Variants in GNAI1 observed in about 807,000 individuals in gnomAD.
The protein encoded by GNAI1 is guanine nucleotide-binding protein G(i) subunit alpha-1.
A neutral mutation model predicts 38.9 loss-of-function variants in GNAI1; 11 were observed. That is an observed-to-expected ratio of 0.28 (90% CI 0.18 to 0.47). The LOEUF is 0.47. Ranked by LOEUF, GNAI1 falls within the 20% of genes least tolerant of loss-of-function variation. The pLI is 0.99. For missense variants in GNAI1, 317 were observed against 436.9 expected (o/e 0.73, Z 2.45); for synonymous variants, 166 against 145.1 (o/e 1.14, Z -1.04).
In GNAI1 at chr7:80,180,147, CA is replaced by C. The variant is rs1370631023; in HGVS notation, c.119-8802del. ...AAACAGCTTAGCAAAAACATGAGCG[CA>C]ATTAGACTTGAGCTTTAGACAAAGC... On this transcript the variant is annotated intron_variant, in intron 1 of 7. Coordinates refer to ENST00000649796, the MANE Select transcript of GNAI1 (RefSeq NM_002069.6). Among the ~76,000 whole-genome samples the C allele has an allele frequency of 7.9e-5, 12 of 152,202 alleles. No homozygotes were observed. In the East Asian group the frequency reaches 2.3e-3, roughly 29 times the overall value.
intron 1 of GNAI1, among the ~76,000 whole-genome samples, chr7:80,137,045 T>C (rs1370562816): frequency 6.6e-6 from 1 of 152,144 alleles, no homozygotes; most frequent in Non-Finnish European, 1.5e-5. Context: ...GCTCATTGGA[T>C]GCTAGTAGCA....
At chr7:80,140,572 A>G (rs565071578) in intron 1 of GNAI1, among the ~76,000 whole-genome samples, 10 of 152,244 alleles carry the variant, frequency 6.6e-5, no homozygotes, top group African/African-American at 2.2e-4. Flanking sequence ...CAGTTAACCA[A>G]TGTATGACTC....
At position 80,176,707 on chromosome 7, in the gene GNAI1, C is replaced by T. The variant is rs182938875; in HGVS notation, c.119-12244C>T. ...TGCCAGCACTTTTGGGAGGCCAAGG[C>T]GGGCAGATCACCTGAGGTCAGGAGT... On this transcript the variant is annotated intron_variant, in intron 1 of 7. Coordinates refer to ENST00000649796, the MANE Select transcript of GNAI1 (RefSeq NM_002069.6). Among the ~76,000 whole-genome samples, 192 of 152,024 alleles carry T rather than the reference C, an allele frequency of 1.3e-3. No individual in the cohort carries two copies. The Middle Eastern group carries it at 0.02, about 16-fold the overall frequency.
At chr7:80,215,537 A>G in intron 7 of GNAI1, among the ~76,000 whole-genome samples, 1 of 152,356 alleles carries the variant, frequency 6.6e-6, no homozygotes, top group East Asian at 1.9e-4. Flanking sequence ...AAAATCTCAT[A>G]ATCTATGCTG....
intron 1 of GNAI1, among the ~76,000 whole-genome samples, chr7:80,174,979 CA>C (rs1335690530): frequency 6.6e-6 from 1 of 152,160 alleles, no homozygotes; most frequent in African/African-American, 2.4e-5. Context: ...TCCATGTGAC[CA>C]AATGGGAAAT....
rs1046873931 is a variant in GNAI1, at chr7:80,222,711, T to C, written c.*5218T>C. Among the ~76,000 whole-genome samples, 1 of 151,994 alleles carries C rather than the reference T, an allele frequency of 6.6e-6. No homozygotes were observed. The highest frequency in any genetic ancestry group is 2.4e-5 in the African/African-American group (1 of 41,378). On this transcript the variant is annotated 3_prime_UTR_variant, in exon 8 of 8. Coordinates refer to ENST00000649796, the MANE Select transcript of GNAI1 (RefSeq NM_002069.6). ...CAAAATATTTTTAATTGATTAAAAA[T>C]GAGATAATTTGAGGAAACATGCATA...
At position 80,177,255 on chromosome 7, in the gene GNAI1, C is replaced by T. The variant is rs560384131; in HGVS notation, c.119-11696C>T. Among the ~76,000 whole-genome samples, 7 of 152,096 alleles carry T rather than the reference C, an allele frequency of 4.6e-5. No homozygotes were observed. The East Asian group carries it at 1.2e-3, about 26-fold the overall frequency. Reference sequence around the variant, plus strand: ...CCGTGTTAGCCAGGATGGTCTTGATCTCCTCACCTTGTGATCCACCCGCCT... The same window carrying T: ...CCGTGTTAGCCAGGATGGTCTTGATTTCCTCACCTTGTGATCCACCCGCCT... On this transcript the variant is annotated intron_variant, in intron 1 of 7. Coordinates refer to ENST00000649796, the MANE Select transcript of GNAI1 (RefSeq NM_002069.6).
rs7804959 is a variant in GNAI1 at position 80,181,248 on chromosome 7, T to C, written c.119-7703T>C. On this transcript the variant is annotated intron_variant, in intron 1 of 7. Transcript: ENST00000649796. ...ACATGACACTTCTTCTTTGACCAGT[T>C]GGGTGACTGACAGTCAAACCAGATA... 8.1e-3 allele frequency among the ~76,000 whole-genome samples: 1,239 copies of C among 152,276 alleles called. 27 individuals carry two copies. Among genetic ancestry groups the C allele is most frequent in the African/African-American group, 0.029 (1,198 of 41,544 alleles).
intron 7 of GNAI1, 70 bp from the exon 8 acceptor site, chr7:80,217,233 A>ACTGACTTCAGTTTCAGATGTATGAAC: frequency 2.9e-6 from 3 of 1,034,838 alleles, no homozygotes; most frequent in East Asian, 2.5e-5. Context: ...TATGTATGAA[A>ACTGACTTCAGTTTCAGATGTATGAAC]CTGAATTCAG....
intron 1 of GNAI1, chr7:80,136,015 G>C (rs1470628553): frequency 3.0e-6 from 3 of 985,334 alleles, no homozygotes; most frequent in South Asian, 9.4e-5. Flanking sequence ...AGAGGGTCAC[G>C]CCAGACAACA....
intron 1 of GNAI1, among the ~76,000 whole-genome samples, chr7:80,173,659 G>A (rs1230246567): frequency 1.3e-5 from 2 of 152,140 alleles, no homozygotes; most frequent in South Asian, 2.1e-4. Flanking sequence ...TTGTCTGATC[G>A]CATAGATGTG....
Position 80,168,248 on chromosome 7 carries a change from A to C in GNAI1, c.119-20703A>C, listed in dbSNP as rs568036913. On this transcript the variant is annotated intron_variant, in intron 1 of 7. Coordinates refer to ENST00000649796, the MANE Select transcript of GNAI1 (RefSeq NM_002069.6). ...TACTTAACCCTCTTTTTACTCATTT[A>C]CTCGGTTTTTAAAAGATTACTGTGA... 3.3e-5 allele frequency among the ~76,000 whole-genome samples: 5 copies of C among 152,066 alleles called. No homozygotes were observed. The East Asian group carries it at 9.7e-4, about 29-fold the overall frequency.
intron 1 of GNAI1, among the ~76,000 whole-genome samples, chr7:80,169,500 G>A (rs1200560217): frequency 6.6e-6 from 1 of 152,156 alleles, no homozygotes; most frequent in African/African-American, 2.4e-5. Context: ...TAGAAGAGGA[G>A]GTGGAATGAA....
At chr7:80,207,922 TG>T (rs1391722213) in intron 5 of GNAI1, among the ~76,000 whole-genome samples, 1 of 152,172 alleles carries the variant, frequency 6.6e-6, no homozygotes, top group Non-Finnish European at 1.5e-5. Flanking sequence ...TACTTTTTTT[TG>T]TCAGATATAA....
chr7:80,183,396 G>A (rs980336182), intron 1 of GNAI1, among the ~76,000 whole-genome samples: 14 of 152,086 alleles, frequency 9.2e-5, no homozygotes, highest in Non-Finnish European at 1.9e-4. Context: ...TTTAGTTTTA[G>A]TTCATTGTAG....
chr7:80,216,956 C>G (rs145553848), intron 7 of GNAI1, among the ~76,000 whole-genome samples: 1 of 151,924 alleles, frequency 6.6e-6, no homozygotes, highest in South Asian at 2.1e-4. Context: ...AATAGCATGC[C>G]GTCGTCAAGC....
intron 7 of GNAI1, among the ~76,000 whole-genome samples, chr7:80,213,936 C>A (rs1788916422): frequency 6.6e-6 from 1 of 151,900 alleles, no homozygotes; most frequent in Non-Finnish European, 1.5e-5. Flanking sequence ...GTATTCACTG[C>A]CATTTTACAG....
chr7:80,205,460 G>T (rs1445669782), intron 5 of GNAI1, among the ~76,000 whole-genome samples: 24 of 152,056 alleles, frequency 1.6e-4, no homozygotes, highest in Non-Finnish European at 2.9e-5. Flanking sequence ...AGTTGTCACT[G>T]CAGGAAATTG....
At chr7:80,175,358 AT>A (rs1788163680) in intron 1 of GNAI1, among the ~76,000 whole-genome samples, 1 of 142,438 alleles carries the variant, frequency 7.0e-6, no homozygotes, top group Non-Finnish European at 1.6e-5. Context: ...ATATATGTGT[AT>A]ATTTATGTGT....
Sources: allele counts gnomAD v4.1 joint callset (sites outside exome capture counted in the v4.1 genomes callset), GRCh38; gene constraint gnomAD v4.1.1; transcripts MANE v1.5; gene names NCBI Gene and HGNC (gene_info 2026-07-23, HGNC 2026-07-21).